The following TBC1D4 variants were observed in gnomAD, a reference collection of about 807,000 sequenced individuals.
The protein encoded by TBC1D4 is TBC1 domain family member 4, also known as TBC (Tre-2, BUB2, CDC16) domain-containing protein.
Under a neutral mutation model 142.5 loss-of-function variants are expected in TBC1D4, and 121 were observed. The observed-to-expected ratio is 0.85, with a 90% CI of 0.73 to 0.99. TBC1D4 has a LOEUF of 0.99. Ranked by LOEUF, TBC1D4 falls within the 50% of genes least tolerant of loss-of-function variation. The pLI, the probability that TBC1D4 is intolerant of heterozygous loss-of-function variation, is 0.00. For missense variants in TBC1D4, 1,475 were observed against 1,606.6 expected (o/e 0.92, Z 1.40); for synonymous variants, 630 against 628.2 (o/e 1.00, Z -0.04).
In TBC1D4 at chr13:75,362,191, G is replaced by A. The variant is rs898723487; in HGVS notation, c.915C>T (p.Gly305=). ...CFPERILEDS[G]FDEQQEFRSR... ...ACCGAAACTCCTGCTGCTCATCAAA[G>A]CCAGAATCTTCCAAAATCCGCTCAG... Residue 305 remains glycine (G), a synonymous_variant, in exon 2 of 21, where the codon GGC becomes GGT. Transcript: ENST00000377636. The surrounding 1 kb of genome is among the most constrained non-coding windows in gnomAD (Gnocchi z 4.2). The A allele has an allele frequency of 6.2e-7, 1 of 1,613,734 alleles. No homozygotes were observed. The highest frequency in any genetic ancestry group is 8.5e-7 in the Non-Finnish European group (1 of 1,180,002).
intron 1 of TBC1D4, among the ~76,000 whole-genome samples, chr13:75,465,302 T>TATACAACACTCTATACCAAG (rs1888123712): frequency 6.6e-6 from 1 of 152,220 alleles, no homozygotes; most frequent in Admixed American, 6.5e-5. Context: ...GCATTTGCTT[T>TATACAACACTCTATACCAAG]ATACAACACT....
At chr13:75,333,693 G>T (rs1477757261) in intron 8 of TBC1D4, among the ~76,000 whole-genome samples, 1 of 152,174 alleles carries the variant, frequency 6.6e-6, no homozygotes, top group African/African-American at 2.4e-5. Flanking sequence ...TAATACTATT[G>T]AATCTTCAGA....
intron 1 of TBC1D4, among the ~76,000 whole-genome samples, chr13:75,448,587 T>TAAC (rs980245447): frequency 2.1e-5 from 3 of 143,424 alleles, no homozygotes; most frequent in Non-Finnish European, 4.6e-5. Flanking sequence ...AAAAAAACAA[T>TAAC]AACAACAACA....
chr13:75,477,161 TAGAA>T (rs775858536), intron 1 of TBC1D4, among the ~76,000 whole-genome samples: 2 of 152,230 alleles, frequency 1.3e-5, no homozygotes, highest in Non-Finnish European at 2.9e-5. Context: ...ACAAACTTCT[TAGAA>T]AGCACAGAGA....
intron 8 of TBC1D4, among the ~76,000 whole-genome samples, chr13:75,335,746 T>TCCCC (rs895255184): frequency 1.3e-5 from 2 of 152,090 alleles, no homozygotes; most frequent in African/African-American, 4.8e-5. Flanking sequence ...GATGTCTCAC[T>TCCCC]CCCCCTTTGC....
rs184780281 is a variant in TBC1D4 at position 75,302,384 on chromosome 13, G to A, written c.2770C>T (p.Arg924Ter). ...GCCAGAAACTGCCAAATTTCTCCTC[G>A]TCGACTTTTGGGAACTCCTACAATG... ...LLKEGVPKSR[R>*]GEIWQFLALQ... Residue 924 changes from arginine (R) to a stop codon, truncating the protein, a stop_gained, in exon 16 of 21, where the codon CGA becomes TGA. Transcript: ENST00000377636. LOFTEE classifies it high-confidence loss of function. 3.1e-6 allele frequency: 5 copies of A among 1,614,068 alleles called. No homozygotes were observed. The highest frequency in any genetic ancestry group is 2.7e-5 in the African/African-American group (2 of 75,008).
At chr13:75,472,259 A>C (rs1460519323) in intron 1 of TBC1D4, among the ~76,000 whole-genome samples, 1 of 151,648 alleles carries the variant, frequency 6.6e-6, no homozygotes, top group Non-Finnish European at 1.5e-5. Flanking sequence ...TATCTACTAA[A>C]AATACAAAAA....
intron 1 of TBC1D4, among the ~76,000 whole-genome samples, chr13:75,437,641 A>G (rs551990101): frequency 5.9e-4 from 90 of 151,948 alleles, no homozygotes; most frequent in African/African-American, 2.1e-3. Context: ...CAGCTCCTCT[A>G]CAATACACCG....
rs1420353821 is a variant in TBC1D4, at chr13:75,363,282, A to T, written c.499-675T>A. On this transcript the variant is annotated intron_variant, in intron 1 of 20. Transcript: ENST00000377636. Reference sequence around the variant, plus strand: ...AATTAAAAGACTGGAAAACATGTCCACACAAGAGCCTACAAACAAATATTC... The same window carrying T: ...AATTAAAAGACTGGAAAACATGTCCTCACAAGAGCCTACAAACAAATATTC... Among the ~76,000 whole-genome samples, 9 of 152,222 alleles carry T rather than the reference A, an allele frequency of 5.9e-5. No individual in the cohort carries two copies. In the South Asian group the frequency reaches 1.2e-3, roughly 21 times the overall value.
At chr13:75,394,377 A>G (rs1884665004) in intron 1 of TBC1D4, among the ~76,000 whole-genome samples, 1 of 152,220 alleles carries the variant, frequency 6.6e-6, no homozygotes, top group African/African-American at 2.4e-5. Context: ...TCTAGCCATA[A>G]CCGTTGTGAA....
intron 1 of TBC1D4, among the ~76,000 whole-genome samples, chr13:75,424,309 G>GAAAAAAAGA (rs5804815): frequency 4.1e-5 from 6 of 148,012 alleles, no homozygotes; most frequent in African/African-American, 1.5e-4. Flanking sequence ...AAGAAAAAAA[G>GAAAAAAAGA]AAAAAATTGT....
chr13:75,410,415 C>T (rs73221936), intron 1 of TBC1D4, among the ~76,000 whole-genome samples: 52 of 152,260 alleles, frequency 3.4e-4, no homozygotes, highest in Non-Finnish European at 6.5e-4. Flanking sequence ...AATACCACAG[C>T]CCGTCACGCT....
At chr13:75,296,902 G>A (rs1323297061) in intron 17 of TBC1D4, among the ~76,000 whole-genome samples, 1 of 152,144 alleles carries the variant, frequency 6.6e-6, no homozygotes, top group Admixed American at 6.5e-5. Context: ...TAAGGTAACT[G>A]AAGCCTGGAG....
chr13:75,310,575 C>T (rs1877649104), intron 13 of TBC1D4, among the ~76,000 whole-genome samples: 2 of 152,192 alleles, frequency 1.3e-5, no homozygotes, highest in Non-Finnish European at 2.9e-5. Context: ...CTGAGCAATG[C>T]TGGGCCTCTC....
chr13:75,359,785 A>T lies in TBC1D4; in HGVS notation c.1154T>A (p.Ile385Asn). Residue 385 changes from isoleucine (I) to asparagine (N), a missense_variant, in exon 3 of 21, where the codon ATC becomes AAC. Around this residue, in one of 2 missense-constraint regions of TBC1D4, gnomAD observed 1,227 missense variants for 1,267.7 expected, o/e 0.97. Transcript: ENST00000377636. ...GATACATACCTGAGAACAAGAGGAG[A>T]TATCTTTAAAATTCTTTTCTAGCAC... ...SVVLEKNFKD[I>N]SSCSQGIKHV... The T allele has an allele frequency of 6.2e-7, 1 of 1,612,570 alleles. No homozygotes were observed. Among genetic ancestry groups the T allele is most frequent in the South Asian group, 1.1e-5 (1 of 91,010 alleles).
At chr13:75,479,452 T>A (rs1031509752) in intron 1 of TBC1D4, among the ~76,000 whole-genome samples, 2 of 152,102 alleles carry the variant, frequency 1.3e-5, no homozygotes, top group African/African-American at 2.4e-5. Flanking sequence ...CGCTTAAATA[T>A]ATAATGGAGG....
intron 1 of TBC1D4, among the ~76,000 whole-genome samples, chr13:75,411,160 C>T (rs375406219): frequency 6.6e-6 from 1 of 151,944 alleles, no homozygotes; most frequent in African/African-American, 2.4e-5. Flanking sequence ...TTTTACTGAC[C>T]TTAGAAGGCA....
rs2137876511 is a variant in TBC1D4 at position 75,299,529 on chromosome 13, G to C, written c.2957C>G (p.Pro986Arg). Residue 986 changes from proline to arginine, a missense_variant, in exon 17 of 21, where the codon CCA becomes CGA. Coordinates refer to ENST00000377636, the MANE Select transcript of TBC1D4 (RefSeq NM_014832.5). ...GAGGTTAAACAGTGACAGCTGTCCT[G>C]GCCCAAGCTGTACTGAAAAGTAAGG... ...THPYFSVQLG[P>R]GQLSLFNLLK... 1 of 1,614,110 alleles carries C rather than the reference G, an allele frequency of 6.2e-7. No homozygotes were observed. The highest frequency in any genetic ancestry group is 8.5e-7 in the Non-Finnish European group (1 of 1,179,996).
At chr13:75,474,927 A>G (rs2138341317) in intron 1 of TBC1D4, among the ~76,000 whole-genome samples, 1 of 152,218 alleles carries the variant, frequency 6.6e-6, no homozygotes, top group South Asian at 2.1e-4. Flanking sequence ...ATGAGCCACC[A>G]CGCCCGGCCC....
Sources: allele counts gnomAD v4.1 joint callset (sites outside exome capture counted in the v4.1 genomes callset), GRCh38; gene constraint gnomAD v4.1.1; regional missense constraint gnomAD v4.1.1; non-coding constraint Gnocchi (gnomAD v3.1); transcripts MANE v1.5; gene names NCBI Gene and HGNC (gene_info 2026-07-23, HGNC 2026-07-21).